PNPLA7: variants seen among roughly 807,000 people sequenced by gnomAD.
The protein encoded by PNPLA7 is patatin like domain 7, lysophospholipase.
Under a neutral mutation model 161.7 loss-of-function variants are expected in PNPLA7, and 153 were observed. The observed-to-expected ratio is 0.95, with a 90% CI of 0.83 to 1.08. The LOEUF is 1.08. Among genes scored for constraint, PNPLA7 ranks in the 50% least tolerant of loss-of-function variants. The pLI, the probability that PNPLA7 is intolerant of heterozygous loss-of-function variation, is 0.00. For synonymous variants in PNPLA7, 809 were observed against 782.1 expected (o/e 1.03, Z -0.57); for missense variants, 1,739 against 1,856.6 (o/e 0.94, Z 1.16).
intron 8 of PNPLA7, among the ~76,000 whole-genome samples, chr9:137,539,931 G>A (rs774983581): frequency 5.3e-5 from 8 of 152,042 alleles, no homozygotes; most frequent in Admixed American, 1.3e-4. Context: ...GATTACTGGC[G>A]CCTGCCCCTA....
intron 26 of PNPLA7, among the ~76,000 whole-genome samples, chr9:137,465,700 G>C (rs536956878): frequency 6.6e-6 from 1 of 152,224 alleles, no homozygotes; most frequent in African/African-American, 2.4e-5. Flanking sequence ...CCCGGGCCAC[G>C]TGAATGCAGC....
At chr9:137,518,746 TC>T (rs1234668006) in intron 11 of PNPLA7, among the ~76,000 whole-genome samples, 9 of 52,376 alleles carry the variant, frequency 1.7e-4, no homozygotes, top group African/African-American at 3.5e-4. Flanking sequence ...GTCCACTCCA[TC>T]CCCCACTCAC....
chr9:137,526,280 T>C (rs924644209), intron 8 of PNPLA7, among the ~76,000 whole-genome samples: 4 of 152,058 alleles, frequency 2.6e-5, no homozygotes, highest in African/African-American at 9.7e-5. Flanking sequence ...CTGTTTTGAC[T>C]GATCCTGATT....
chr9:137,467,565 C>T lies in PNPLA7; in HGVS notation c.2883-92G>A. 6.7e-7 allele frequency: 1 copy of T among 1,486,778 alleles called. No homozygotes were observed. The highest frequency in any genetic ancestry group is 9.1e-7 in the Non-Finnish European group (1 of 1,098,056). The allele number at this position is 1,486,778 out of a possible 1,614,324, so 92.1% of individuals were successfully genotyped here. A position where few individuals can be genotyped will look rare whatever the true frequency, so the allele number is the denominator to read the frequency against. On this transcript the variant is annotated intron_variant, in intron 25 of 34. Coordinates refer to ENST00000406427, the MANE Select transcript of PNPLA7 (RefSeq NM_001098537.3). This position sits in a 1 kb window ranked among gnomAD's most constrained non-coding sequence, Gnocchi z 5.1. ...TGTGCTCATCCTCAGTTCCCAACTC[C>T]TCCACAGGCAGAGACGCTGACGCAG... is the stretch of plus-strand genomic sequence containing the variant.
intron 14 of PNPLA7, among the ~76,000 whole-genome samples, chr9:137,502,195 G>GCTC (rs1833468148): frequency 6.6e-6 from 1 of 152,158 alleles, no homozygotes; most frequent in African/African-American, 2.4e-5. Flanking sequence ...CCAGAAGGCA[G>GCTC]AGGTTGCAGT....
chr9:137,478,859 C>T, intron 24 of PNPLA7, 197 bp downstream of exon 24: 1 of 764,888 alleles, frequency 1.3e-6, no homozygotes. Context: ...ACTGCACCGG[C>T]TGCTTCCTAG....
At chr9:137,539,572 G>C (rs7041712) in intron 8 of PNPLA7, among the ~76,000 whole-genome samples, 1,950 of 152,172 alleles carry the variant, frequency 0.013, 44 homozygotes, top group African/African-American at 0.044. Flanking sequence ...GGGAAGCTGA[G>C]GTGAGAGAAT....
intron 12 of PNPLA7, among the ~76,000 whole-genome samples, chr9:137,507,249 A>C (rs1169668982): frequency 6.6e-6 from 1 of 152,242 alleles, no homozygotes; most frequent in East Asian, 1.9e-4. Flanking sequence ...CTATGGCAAC[A>C]AAGGTCACCA....
At chr9:137,497,959 T>C (rs1833154275) in intron 17 of PNPLA7, among the ~76,000 whole-genome samples, 155 bp downstream of exon 17, 1 of 152,262 alleles carries the variant, frequency 6.6e-6, no homozygotes, top group South Asian at 2.1e-4. Context: ...GTTTCCGAGC[T>C]AAGCTGGGGT....
chr9:137,496,293 G>A (rs1392986875), intron 18 of PNPLA7, among the ~76,000 whole-genome samples: 3 of 151,584 alleles, frequency 2.0e-5, no homozygotes, highest in Non-Finnish European at 2.9e-5. Flanking sequence ...TTTTAGTAGA[G>A]ACGGGGTTTC....
intron 18 of PNPLA7, among the ~76,000 whole-genome samples, chr9:137,495,956 C>A (rs567376166): frequency 6.6e-6 from 1 of 152,124 alleles, no homozygotes; most frequent in Admixed American, 6.5e-5. Context: ...TCGGCCCTGG[C>A]AGAGCTGAGG....
chr9:137,506,436 C>A (rs1833926664), intron 12 of PNPLA7, among the ~76,000 whole-genome samples: 1 of 152,216 alleles, frequency 6.6e-6, no homozygotes, highest in African/African-American at 2.4e-5. Flanking sequence ...TGACGGCTCG[C>A]TGCGGCCAAC....
At chr9:137,529,501 G>A (rs897515627) in intron 8 of PNPLA7, among the ~76,000 whole-genome samples, 10 of 152,070 alleles carry the variant, frequency 6.6e-5, no homozygotes, top group Middle Eastern at 6.3e-3. Flanking sequence ...TTTAGCAGGC[G>A]ATTAAGCTGG....
rs1832144282 is a variant in PNPLA7 at position 137,480,205 on chromosome 9, ATC to A, written c.2580+105_2580+106del. ...AGATATCTGAGTGTTGGCTCTTATC[ATC>A]TGTCTTTTTCTGAGTTTGTGCAGTA... is the stretch of plus-strand genomic sequence containing the variant. On this transcript the variant is annotated intron_variant, in intron 23 of 34. Coordinates refer to ENST00000406427, the MANE Select transcript of PNPLA7 (RefSeq NM_001098537.3). 7.1e-6 allele frequency: 10 copies of A among 1,416,862 alleles called. No individual in the cohort carries two copies. In the South Asian group the frequency reaches 7.5e-5, roughly 11 times the overall value. 87.8% of individuals were successfully genotyped at this position (1,416,862 alleles called of 1,614,324 possible).
intron 12 of PNPLA7, chr9:137,508,921 C>CA (rs1383239322): frequency 6.6e-6 from 1 of 152,206 alleles, no homozygotes; most frequent in African/African-American, 2.4e-5. Context: ...GGGCAAAAGA[C>CA]AAAGAAGGCT....
At position 137,460,430 on chromosome 9, in the gene PNPLA7, G is replaced by C; in HGVS notation, c.3992C>G (p.Pro1331Arg). 1 of 1,612,680 alleles carries C rather than the reference G, an allele frequency of 6.2e-7. No homozygotes were observed. The highest frequency in any genetic ancestry group is 1.1e-5 in the South Asian group (1 of 91,064). ...LRHRHPSLAF[P>R]KLSEGSSDQD... ...GTCAGAGGAGCCCTCAGACAGTTTT[G>C]GGAAAGCCAGACTGGGGTGTCGATG... The change falls in exon 35 of 35, where the codon CCA (proline) becomes CGA (arginine). Residue 1331 changes from proline (P) to arginine (R), a missense_variant. By Grantham distance (103) the Pro-to-Arg change is moderately radical. Coordinates refer to ENST00000406427, the MANE Select transcript of PNPLA7 (RefSeq NM_001098537.3).
intron 4 of PNPLA7, among the ~76,000 whole-genome samples, chr9:137,545,791 G>T (rs191952224): frequency 8.4e-4 from 128 of 152,318 alleles, no homozygotes; most frequent in South Asian, 3.1e-3. Flanking sequence ...TGTTATGCCC[G>T]GACAGGGCCA....
intron 8 of PNPLA7, among the ~76,000 whole-genome samples, chr9:137,527,300 C>A (rs13288564): frequency 2.0e-5 from 3 of 149,030 alleles, no homozygotes; most frequent in East Asian, 4.0e-4. Context: ...AACAAAAAAA[C>A]AAAAAAAAAC....
In PNPLA7 at chr9:137,499,262, A is replaced by G. The variant is rs1833245652; in HGVS notation, c.1758-1017T>C. 6.6e-6 allele frequency among the ~76,000 whole-genome samples: 1 copy of G among 151,568 alleles called. No individual in the cohort carries two copies. The highest frequency in any genetic ancestry group is 1.5e-5 in the Non-Finnish European group (1 of 67,874). ...CACACACAGACACAAGGAGACACAC[A>G]TGGACACATGTAGACACAGAGACAG... On this transcript the variant is annotated intron_variant, in intron 16 of 34. Transcript: ENST00000406427. This position sits in a 1 kb window ranked among gnomAD's most constrained non-coding sequence, Gnocchi z 5.5.
Sources: gnomAD v4.1 joint callset for allele counts (sites outside exome capture counted in the v4.1 genomes callset) on GRCh38, gnomAD v4.1.1 for gene constraint, Gnocchi (gnomAD v3.1) non-coding constraint, MANE v1.5 for transcripts, NCBI Gene and HGNC (gene_info 2026-07-23, HGNC 2026-07-21) for gene names.